Variants in MYOM1 observed in about 807,000 individuals in gnomAD.
The protein encoded by MYOM1 is myomesin-1.
A neutral mutation model predicts 205.3 loss-of-function variants in MYOM1; 164 were observed. That is an observed-to-expected ratio of 0.80 (90% CI 0.70 to 0.91). The LOEUF (loss-of-function observed/expected upper bound fraction) is 0.91, where lower values mean the gene tolerates loss of function less well. Ranked by LOEUF, MYOM1 falls within the 40% of genes least tolerant of loss-of-function variation. The pLI, the probability that MYOM1 is intolerant of heterozygous loss-of-function variation, is 0.00. For missense variants in MYOM1, 2,011 were observed against 2,127.3 expected (o/e 0.95, Z 1.08); for synonymous variants, 772 against 789.4 (o/e 0.98, Z 0.37).
chr18:3,229,677 T>C, the MYOM1 span, among the ~76,000 whole-genome samples: 1 of 152,002 alleles, frequency 6.6e-6, no homozygotes, highest in South Asian at 2.1e-4. Context: ...AGTTTAACAG[T>C]AGTGAGATGT....
At chr18:3,220,533 A>G (rs1476359999), upstream of MYOM1, among the ~76,000 whole-genome samples, 1 of 152,182 alleles carries the variant, frequency 6.6e-6, no homozygotes, top group East Asian at 1.9e-4. Flanking sequence ...GCCTTTTGAG[A>G]CGCAACTCAG....
At chr18:3,110,153 T>C (rs1052895795) in intron 22 of MYOM1, among the ~76,000 whole-genome samples, 3 of 152,252 alleles carry the variant, frequency 2.0e-5, no homozygotes, top group African/African-American at 7.2e-5. Context: ...TCATATAAAG[T>C]GTTTTACATG....
Position 3,074,589 on chromosome 18 carries a change from C to T in MYOM1, c.4708+865G>A, listed in dbSNP as rs985609095. On this transcript the variant is annotated intron_variant, in intron 36 of 37. Coordinates refer to ENST00000356443, the MANE Select transcript of MYOM1 (RefSeq NM_003803.4). Reference sequence around the variant, plus strand: ...CTGTGTGTGTGAAACAAACAGCTCACAGAAATACTGCAGTGTGTGTGTTTC... The same window carrying T: ...CTGTGTGTGTGAAACAAACAGCTCATAGAAATACTGCAGTGTGTGTGTTTC... Among the ~76,000 whole-genome samples the T allele has an allele frequency of 2.0e-5, 3 of 152,194 alleles. No homozygotes were observed. The South Asian group carries it at 6.2e-4, about 31-fold the overall frequency.
intron 9 of MYOM1, among the ~76,000 whole-genome samples, chr18:3,165,996 C>A (rs918281950): frequency 2.6e-5 from 4 of 152,214 alleles, no homozygotes; most frequent in Non-Finnish European, 5.9e-5. Context: ...TACCCACTGC[C>A]CACTGTGCCC....
chr18:3,245,381 T>A, the MYOM1 span, among the ~76,000 whole-genome samples: 5 of 152,258 alleles, frequency 3.3e-5, no homozygotes, highest in East Asian at 9.6e-4. Context: ...TTCACTCTAT[T>A]TGGAGCAGAA....
At chr18:3,174,326 G>C (rs139134495) in intron 6 of MYOM1, 118 bp from the exon 7 acceptor site, 3 of 795,828 alleles carry the variant, frequency 3.8e-6, no homozygotes, top group African/African-American at 1.7e-5. Context: ...CTAACACATG[G>C]CTCTTTGGTT....
intron 20 of MYOM1, among the ~76,000 whole-genome samples, chr18:3,117,507 C>T (rs562151915): frequency 6.6e-6 from 1 of 152,168 alleles, no homozygotes; most frequent in Non-Finnish European, 1.5e-5. Context: ...GAAGCCAAGA[C>T]ACTTCATAAC....
rs201136152 is a variant in MYOM1 at position 3,083,972 on chromosome 18, C to G, written c.4378+17G>C. On this transcript the variant is annotated intron_variant, in intron 32 of 37. Coordinates refer to ENST00000356443, the MANE Select transcript of MYOM1 (RefSeq NM_003803.4). ...AGGATCATAAAGCATTGTTGTGGTG[C>G]GAAATGTTTGACTCACCTATTTTTT... 6.3e-7 allele frequency: 1 copy of G among 1,587,148 alleles called. No individual in the cohort carries two copies.
chr18:3,234,232 T>G, the MYOM1 span, among the ~76,000 whole-genome samples: 1 of 152,218 alleles, frequency 6.6e-6, no homozygotes, highest in Non-Finnish European at 1.5e-5. Context: ...AAGTATACAT[T>G]GAAAAACTTC....
At chr18:3,111,417 C>T (rs116446887) in intron 22 of MYOM1, among the ~76,000 whole-genome samples, 148 of 152,140 alleles carry the variant, frequency 9.7e-4, no homozygotes, top group African/African-American at 3.1e-3. Flanking sequence ...CTAGTAATCA[C>T]GGCATCTTTG....
At chr18:3,113,062 G>A (rs12956493) in intron 21 of MYOM1, among the ~76,000 whole-genome samples, 132,522 of 151,848 alleles carry the variant, frequency 0.87, 58,330 homozygotes, top group East Asian at 0.98. Context: ...AGTTTTTAAT[G>A]ATCAAGATGT....
chr18:3,190,767 T>C (rs1008652915), intron 3 of MYOM1, among the ~76,000 whole-genome samples: 1 of 152,112 alleles, frequency 6.6e-6, no homozygotes, highest in Admixed American at 6.5e-5. Context: ...CAATATGCAA[T>C]AGGGAGATGT....
intron 9 of MYOM1, among the ~76,000 whole-genome samples, chr18:3,167,506 C>T (rs6506076): frequency 0.074 from 11,322 of 152,204 alleles, 828 homozygotes; most frequent in African/African-American, 0.19. Flanking sequence ...GCCTCAGCCA[C>T]GCAAGTAGCT....
At chr18:3,129,166 G>A (rs2079837462) in intron 18 of MYOM1, 66 bp downstream of exon 18, 2 of 1,519,204 alleles carry the variant, frequency 1.3e-6, no homozygotes, top group Middle Eastern at 2.4e-4. Context: ...AGGATGTGAT[G>A]TAGACGATGA....
chr18:3,193,093 A>AC (rs2080934633), intron 3 of MYOM1, among the ~76,000 whole-genome samples: 1 of 151,660 alleles, frequency 6.6e-6, no homozygotes, highest in East Asian at 1.9e-4. Flanking sequence ...ATATAGTGAG[A>AC]CCCCATCACT....
Position 3,135,473 on chromosome 18 carries a change from T to C in MYOM1, c.2209+74A>G. 1 of 1,372,676 alleles carries C rather than the reference T, an allele frequency of 7.3e-7. No individual in the cohort carries two copies. Among genetic ancestry groups the C allele is most frequent in the Non-Finnish European group, 9.8e-7 (1 of 1,020,684 alleles). The allele number at this position is 1,372,676 out of a possible 1,614,324, so 85.0% of individuals were successfully genotyped here. A position where few individuals can be genotyped will look rare whatever the true frequency, so the allele number is the denominator to read the frequency against. Reference sequence around the variant, plus strand: ...AGAAGGATGTCACCATTTTTACTCCTGGCCAAATATACATATACTAGATCC... The same window carrying C: ...AGAAGGATGTCACCATTTTTACTCCCGGCCAAATATACATATACTAGATCC... On this transcript the variant is annotated intron_variant, in intron 15 of 37. Coordinates refer to ENST00000356443, the MANE Select transcript of MYOM1 (RefSeq NM_003803.4). This position sits in a 1 kb window ranked among gnomAD's most constrained non-coding sequence, Gnocchi z 4.1.
At chr18:3,101,508 T>C (rs1343001758) in intron 23 of MYOM1, among the ~76,000 whole-genome samples, 1 of 152,212 alleles carries the variant, frequency 6.6e-6, no homozygotes. Flanking sequence ...CCCAAGGTTA[T>C]ATAGCCAGCT....
At position 3,152,102 on chromosome 18, in the gene MYOM1, G is replaced by C. The variant is rs749186419; in HGVS notation, c.1644-209C>G. Among the ~76,000 whole-genome samples, 7 of 152,112 alleles carry C rather than the reference G, an allele frequency of 4.6e-5. No homozygotes were observed. Among genetic ancestry groups the C allele is most frequent in the Non-Finnish European group, 1.0e-4 (7 of 68,036 alleles). ...CTTTACCAAGAGGAAAGAAGCCTCA[G>C]GTCCTTCCTGAACTCGTAAAAAGCA... On this transcript the variant is annotated intron_variant, in intron 11 of 37. Transcript: ENST00000356443. This position sits in a 1 kb window ranked among gnomAD's most constrained non-coding sequence, Gnocchi z 4.3.
chr18:3,197,600 G>A (rs375363068), intron 2 of MYOM1, among the ~76,000 whole-genome samples: 204 of 152,178 alleles, frequency 1.3e-3, no homozygotes, highest in African/African-American at 4.6e-3. Context: ...AAGGCTGGGC[G>A]CGGTGGCTCA....
Sources: gnomAD v4.1 joint callset for allele counts (sites outside exome capture counted in the v4.1 genomes callset) on GRCh38, gnomAD v4.1.1 for gene constraint, Gnocchi (gnomAD v3.1) non-coding constraint, MANE v1.5 for transcripts, NCBI Gene and HGNC (gene_info 2026-07-23, HGNC 2026-07-21) for gene names.